The following DYTN variants were observed in gnomAD, a reference collection of about 807,000 sequenced individuals.
DYTN encodes the protein dystrotelin.
DYTN carries 75 observed loss-of-function variants against 69.6 expected under a neutral mutation model. That is an observed-to-expected ratio of 1.08 (90% CI 0.89 to 1.31). The LOEUF (loss-of-function observed/expected upper bound fraction) is 1.31, where lower values mean the gene tolerates loss of function less well. Among genes scored for constraint, DYTN ranks in the 50% most tolerant of loss-of-function variants. The pLI is 0.00. For missense variants in DYTN, 726 were observed against 688.4 expected (o/e 1.05, Z -0.61); for synonymous variants, 252 against 249.1 (o/e 1.01, Z -0.11).
chr2:206,683,268 G>A (rs991348733), intron 9 of DYTN, among the ~76,000 whole-genome samples: 45 of 151,188 alleles, frequency 3.0e-4, no homozygotes, highest in African/African-American at 1.0e-3. Flanking sequence ...TGTTTCCCCA[G>A]AGTAAAAGCC....
chr2:206,706,558 G>C (rs1700029814), intron 3 of DYTN, among the ~76,000 whole-genome samples: 1 of 151,452 alleles, frequency 6.6e-6, no homozygotes, highest in Non-Finnish European at 1.5e-5. Context: ...TTAAAACAGT[G>C]CTTGCCTCTG....
chr2:206,668,708 T>A (rs1220749798), intron 9 of DYTN, among the ~76,000 whole-genome samples: 1 of 152,210 alleles, frequency 6.6e-6, no homozygotes, highest in African/African-American at 2.4e-5. Context: ...ATTACTGATA[T>A]GGTTTGGCTG....
chr2:206,715,380 A>G (rs1233349763), intron 1 of DYTN, among the ~76,000 whole-genome samples: 3 of 152,122 alleles, frequency 2.0e-5, no homozygotes, highest in Non-Finnish European at 4.4e-5. Context: ...GGCAGCTCTC[A>G]GATGCATCCT....
At chr2:206,659,418 C>T (rs190218329) in intron 11 of DYTN, among the ~76,000 whole-genome samples, 115 of 148,618 alleles carry the variant, frequency 7.7e-4, no homozygotes, top group Non-Finnish European at 1.3e-3. Flanking sequence ...TCGTGATCTG[C>T]CCGCCTCGGT....
intron 2 of DYTN, among the ~76,000 whole-genome samples, chr2:206,709,193 A>C (rs2105901970): frequency 6.6e-6 from 1 of 152,274 alleles, no homozygotes; most frequent in South Asian, 2.1e-4. Context: ...GATGCCTGTA[A>C]TCCCAGCACT....
intron 5 of DYTN, among the ~76,000 whole-genome samples, chr2:206,700,825 T>C (rs963382046): frequency 6.6e-6 from 1 of 152,170 alleles, no homozygotes; most frequent in Non-Finnish European, 1.5e-5. Flanking sequence ...TGTGTTCTCA[T>C]TGTTCAACTA....
chr2:206,718,061 T>C (rs1358338248), intron 1 of DYTN, among the ~76,000 whole-genome samples, 200 bp downstream of exon 1: 4 of 152,184 alleles, frequency 2.6e-5, no homozygotes, highest in Non-Finnish European at 5.9e-5. Context: ...TTCGAGACAA[T>C]AGACCAGATA....
At chr2:206,690,990 C>T (rs891614490) in intron 9 of DYTN, among the ~76,000 whole-genome samples, 2 of 151,950 alleles carry the variant, frequency 1.3e-5, no homozygotes. Context: ...GATGGGAAAA[C>T]GATGGAGGAA....
chr2:206,695,177 T>C (rs1025062348), intron 7 of DYTN, among the ~76,000 whole-genome samples: 60 of 152,228 alleles, frequency 3.9e-4, no homozygotes, highest in African/African-American at 1.4e-3. Flanking sequence ...TGCAGGGTGC[T>C]GTGTGCTACA....
chr2:206,689,086 T>C (rs1226278835), intron 9 of DYTN, among the ~76,000 whole-genome samples: 1 of 152,248 alleles, frequency 6.6e-6, no homozygotes, highest in Non-Finnish European at 1.5e-5. Context: ...TAATTTTCTT[T>C]TTAACTATGT....
At chr2:206,688,126 T>C (rs1699831815) in intron 9 of DYTN, among the ~76,000 whole-genome samples, 1 of 152,180 alleles carries the variant, frequency 6.6e-6, no homozygotes, top group African/African-American at 2.4e-5. Flanking sequence ...AACCCATTGT[T>C]CCTAGAGAAA....
At chr2:206,696,941 T>C (rs1206746812) in intron 7 of DYTN, among the ~76,000 whole-genome samples, 1 of 152,226 alleles carries the variant, frequency 6.6e-6, no homozygotes, top group Non-Finnish European at 1.5e-5. Flanking sequence ...TTTCTTCAAC[T>C]AAGGAAAAAT....
chr2:206,709,308 G>T (rs1238372120), intron 2 of DYTN, among the ~76,000 whole-genome samples: 1 of 152,050 alleles, frequency 6.6e-6, no homozygotes, highest in African/African-American at 2.4e-5. Flanking sequence ...AATTGGCAGG[G>T]TGTGGTGGCT....
At chr2:206,713,892 A>G (rs1302225059) in intron 1 of DYTN, among the ~76,000 whole-genome samples, 2 of 152,252 alleles carry the variant, frequency 1.3e-5, no homozygotes, top group African/African-American at 4.8e-5. Context: ...GCCGATTAAC[A>G]TAAAACTCAG....
At position 206,716,376 on chromosome 2, in the gene DYTN, C is replaced by T. The variant is rs184208900; in HGVS notation, c.19+1885G>A. On this transcript the variant is annotated intron_variant, in intron 1 of 11. Transcript: ENST00000452335. ...CACAGGCCTCTCTCTGAATGTATAT[C>T]CATCCAACAGTCAGCATATGATCAT... 3.5e-3 allele frequency among the ~76,000 whole-genome samples: 535 copies of T among 152,236 alleles called. 4 individuals carry two copies. The highest frequency in any genetic ancestry group is 0.017 in the Middle Eastern group (5 of 292).
chr2:206,711,205 T>C (rs1195453990), intron 1 of DYTN, among the ~76,000 whole-genome samples: 1 of 152,238 alleles, frequency 6.6e-6, no homozygotes, highest in Non-Finnish European at 1.5e-5. Flanking sequence ...TGCTCAATAT[T>C]ACCTAAATTT....
chr2:206,712,795 G>C (rs1023538456), intron 1 of DYTN, among the ~76,000 whole-genome samples: 1 of 152,246 alleles, frequency 6.6e-6, no homozygotes, highest in African/African-American at 2.4e-5. Flanking sequence ...CCCAGGCCCA[G>C]CCCATCAGTG....
intron 8 of DYTN, among the ~76,000 whole-genome samples, chr2:206,693,859 T>C (rs1699890728): frequency 6.6e-6 from 1 of 152,136 alleles, no homozygotes. Context: ...AGTGGCCACA[T>C]GGTGTCACTC....
chr2:206,705,083 A>G, intron 4 of DYTN, 140 bp from the exon 5 acceptor site: 1 of 683,810 alleles, frequency 1.5e-6, no homozygotes, highest in Non-Finnish European at 2.5e-6. Flanking sequence ...TTGGCTAGCT[A>G]TTATGAAGGC....
Sources: allele counts gnomAD v4.1 joint callset (sites outside exome capture counted in the v4.1 genomes callset), GRCh38; gene constraint gnomAD v4.1.1; transcripts MANE v1.5; gene names NCBI Gene and HGNC (gene_info 2026-07-23, HGNC 2026-07-21).